Variants in CATSPERT observed in about 807,000 individuals in gnomAD.
CATSPERT encodes catsper channel auxiliary subunit tau.
the CATSPERT span, among the ~76,000 whole-genome samples, chr2:201,518,064 T>C: frequency 6.6e-6 from 1 of 152,200 alleles, no homozygotes; most frequent in East Asian, 1.9e-4. Flanking sequence ...ATAAGCTTGC[T>C]GGACAGCTTC....
the CATSPERT span, chr2:201,603,225 C>T: frequency 6.2e-7 from 1 of 1,611,236 alleles, no homozygotes; most frequent in Non-Finnish European, 8.5e-7. Context: ...AAAGGATACT[C>T]TTAGGCATAA....
the CATSPERT span, among the ~76,000 whole-genome samples, chr2:201,564,019 A>G: frequency 1.3e-5 from 2 of 152,222 alleles, no homozygotes; most frequent in South Asian, 4.1e-4. Flanking sequence ...AACAAAAACC[A>G]GAGTCCAGGG....
chr2:201,584,788 A>G, the CATSPERT span, among the ~76,000 whole-genome samples: 345 of 152,218 alleles, frequency 2.3e-3, no homozygotes, highest in South Asian at 0.018. Context: ...GTCTCAAAAA[A>G]AAAGAAAGAA....
At chr2:201,559,622 C>T in the CATSPERT span, among the ~76,000 whole-genome samples, 1 of 152,334 alleles carries the variant, frequency 6.6e-6, no homozygotes, top group East Asian at 1.9e-4. Context: ...ACCACCTCTA[C>T]AGACTCTCTC....
the CATSPERT span, among the ~76,000 whole-genome samples, chr2:201,544,866 G>A: frequency 4.0e-5 from 6 of 150,824 alleles, no homozygotes; most frequent in South Asian, 2.1e-4. Flanking sequence ...GCATGGTGGC[G>A]TGTGCCTGTA....
chr2:201,518,948 A>G, the CATSPERT span, among the ~76,000 whole-genome samples: 2 of 152,218 alleles, frequency 1.3e-5, no homozygotes, highest in African/African-American at 4.8e-5. Context: ...TTCTTTACAC[A>G]TGACTCTTCC....
chr2:201,616,213 C>A, the CATSPERT span, among the ~76,000 whole-genome samples: 1 of 152,144 alleles, frequency 6.6e-6, no homozygotes, highest in Non-Finnish European at 1.5e-5. Flanking sequence ...TTTATGAGGC[C>A]AACATCATTC....
At chr2:201,518,499 C>T in the CATSPERT span, among the ~76,000 whole-genome samples, 4 of 152,188 alleles carry the variant, frequency 2.6e-5, no homozygotes, top group African/African-American at 9.7e-5. Flanking sequence ...TCCCAACCCA[C>T]CCACTGGTGG....
At chr2:201,570,648 C>T in the CATSPERT span, among the ~76,000 whole-genome samples, 1 of 152,152 alleles carries the variant, frequency 6.6e-6, no homozygotes, top group Non-Finnish European at 1.5e-5. Flanking sequence ...CAGTCTGGCT[C>T]TAGGGCCTGA....
the CATSPERT span, among the ~76,000 whole-genome samples, chr2:201,578,717 C>T: frequency 7.9e-5 from 12 of 152,134 alleles, 1 homozygote; most frequent in East Asian, 2.3e-3. Context: ...GCATATTATT[C>T]ATGATCTTAT....
chr2:201,534,060 CTAT>C, the CATSPERT span, among the ~76,000 whole-genome samples: 1 of 151,388 alleles, frequency 6.6e-6, no homozygotes, highest in African/African-American at 2.4e-5. Context: ...ATCTATCTAT[CTAT>C]CTATCTATCT....
the CATSPERT span, chr2:201,552,773 TA>T: frequency 6.6e-6 from 1 of 152,188 alleles, no homozygotes; most frequent in Non-Finnish European, 1.5e-5. Context: ...ATCATCTTTA[TA>T]AATGTAATTT....
the CATSPERT span, among the ~76,000 whole-genome samples, chr2:201,530,143 A>G: frequency 1.2e-4 from 18 of 152,344 alleles, no homozygotes; most frequent in African/African-American, 4.3e-4. Context: ...ACCCTTGTAC[A>G]CTATTTGTGG....
the CATSPERT span, among the ~76,000 whole-genome samples, chr2:201,586,552 G>C: frequency 6.6e-6 from 1 of 151,824 alleles, no homozygotes; most frequent in Admixed American, 6.6e-5. Context: ...TGTCAGACTG[G>C]ATATTTTAAA....
the CATSPERT span, chr2:201,492,473 A>G: frequency 1.4e-3 from 2,222 of 1,534,236 alleles, 26 homozygotes; most frequent in Middle Eastern, 0.014. Flanking sequence ...TTTATTTCAA[A>G]CCTTCTACCA....
the CATSPERT span, among the ~76,000 whole-genome samples, chr2:201,537,964 A>G: frequency 6.6e-6 from 1 of 152,052 alleles, no homozygotes; most frequent in Non-Finnish European, 1.5e-5. Flanking sequence ...AATTCTAGCA[A>G]AAAAATTTGC....
At chr2:201,534,040 TTATCTATCTATCTATCTATCTATCTATC>T in the CATSPERT span, among the ~76,000 whole-genome samples, 2 of 148,556 alleles carry the variant, frequency 1.3e-5, no homozygotes, top group Non-Finnish European at 3.0e-5. Flanking sequence ...GATCTGTATA[TTATCTATCTATCTATCTATCTATCTATC>T]TATCTATCTA....
chr2:201,546,138 C>T, the CATSPERT span, among the ~76,000 whole-genome samples: 2 of 152,096 alleles, frequency 1.3e-5, no homozygotes, highest in Middle Eastern at 3.4e-3. Context: ...AAAAGTCCTC[C>T]AAAATGTCTC....
chr2:201,563,423 C>T, the CATSPERT span, among the ~76,000 whole-genome samples: 14 of 67,088 alleles, frequency 2.1e-4, 2 homozygotes, highest in Non-Finnish European at 3.9e-4. Context: ...GGGGCTGACC[C>T]CCTCACCTCC....
Sources: gnomAD v4.1 joint callset for allele counts (sites outside exome capture counted in the v4.1 genomes callset) on GRCh38, gnomAD v4.1.1 for gene constraint, MANE v1.5 for transcripts, NCBI Gene and HGNC (gene_info 2026-07-23, HGNC 2026-07-21) for gene names.